Variants in ADGRL3 observed in about 807,000 individuals in gnomAD.
ADGRL3 encodes the protein calcium-independent alpha-latrotoxin receptor 3.
In ADGRL3, 62 loss-of-function variants were observed where a neutral mutation model predicts 153.5. The ratio of observed to expected loss-of-function variants is 0.40; its 90% confidence interval spans 0.33 to 0.50. ADGRL3 has a LOEUF of 0.50. Ranked by LOEUF, ADGRL3 falls within the 20% of genes least tolerant of loss-of-function variation. ADGRL3 has a pLI of 0.47. For missense variants in ADGRL3, 1,641 were observed against 1,859.4 expected (o/e 0.88, Z 2.16); for synonymous variants, 710 against 672.5 (o/e 1.06, Z -0.86).
rs2151288717 is a variant in ADGRL3 at position 61,349,356 on chromosome 4, A to C, written c.-239-33768A>C. ...AGTAATTTTTAAATGTTTTCATTCT[A>C]CTGAGAACCATTATGTGTTTTTTAC... On this transcript the variant is annotated intron_variant, in intron 1 of 26. Transcript: ENST00000683033. 1.3e-5 allele frequency among the ~76,000 whole-genome samples: 2 copies of C among 152,200 alleles called. 1 individual carries two copies. The highest frequency in any genetic ancestry group is 4.1e-4 in the South Asian group (2 of 4,832).
At chr4:61,263,699 T>C (rs2149648752) in intron 1 of ADGRL3, among the ~76,000 whole-genome samples, 1 of 152,150 alleles carries the variant, frequency 6.6e-6, no homozygotes, top group Non-Finnish European at 1.5e-5. Context: ...TTTCAAGTTC[T>C]GTCCATCAAA....
At chr4:61,856,596 CTCTCTCTCTTTTTTTTTTTTTTTT>C (rs2098268914) in intron 9 of ADGRL3, among the ~76,000 whole-genome samples, 1 of 57,040 alleles carries the variant, frequency 1.8e-5, no homozygotes, top group African/African-American at 5.0e-5. Context: ...TTCTCTCTCT[CTCTCTCTCTTTTTTTTTTTTTTTT>C]TTTTTTTTTT....
chr4:61,706,859 G>A (rs1023211657), intron 6 of ADGRL3, among the ~76,000 whole-genome samples: 2 of 152,014 alleles, frequency 1.3e-5, no homozygotes, highest in Non-Finnish European at 2.9e-5. Context: ...CTTTTCCTTT[G>A]CATTTACAAC....
chr4:61,252,656 C>G (rs1358120059), intron 1 of ADGRL3, among the ~76,000 whole-genome samples: 1 of 148,858 alleles, frequency 6.7e-6, no homozygotes, highest in Non-Finnish European at 1.5e-5. Flanking sequence ...TATTTTAGAT[C>G]GTTTCTGATT....
At chr4:61,534,493 T>C (rs2098643079) in intron 4 of ADGRL3, among the ~76,000 whole-genome samples, 1 of 152,148 alleles carries the variant, frequency 6.6e-6, no homozygotes, top group Admixed American at 6.5e-5. Context: ...AATAATTTGA[T>C]AGGAAATGCA....
At chr4:61,456,508 T>TATAGATATATCTATATCTATATAG (rs2097757998) in intron 2 of ADGRL3, among the ~76,000 whole-genome samples, 4 of 141,460 alleles carry the variant, frequency 2.8e-5, no homozygotes, top group African/African-American at 7.8e-5. Context: ...TATCTATATA[T>TATAGATATATCTATATCTATATAG]ATATAACTAT....
intron 9 of ADGRL3, among the ~76,000 whole-genome samples, chr4:61,868,076 A>G (rs1320369279): frequency 6.6e-6 from 1 of 152,162 alleles, no homozygotes; most frequent in Non-Finnish European, 1.5e-5. Flanking sequence ...TGCACAAAAA[A>G]TTTAAATTGA....
chr4:62,034,170 G>A (rs950603207), intron 23 of ADGRL3, among the ~76,000 whole-genome samples: 4 of 151,546 alleles, frequency 2.6e-5, no homozygotes, highest in South Asian at 2.1e-4. Context: ...ACAGAGTTCC[G>A]GAAACTGTGG....
intron 1 of ADGRL3, among the ~76,000 whole-genome samples, chr4:61,312,972 G>C (rs2095067325): frequency 6.6e-6 from 1 of 152,084 alleles, no homozygotes; most frequent in South Asian, 2.1e-4. Context: ...AGGCAACCAA[G>C]ATATCTTTCA....
intron 6 of ADGRL3, among the ~76,000 whole-genome samples, chr4:61,688,051 A>G (rs1580286095): frequency 6.6e-6 from 1 of 152,070 alleles, no homozygotes; most frequent in East Asian, 1.9e-4. Flanking sequence ...GAATAAGTAT[A>G]ACAAGATAGG....
At chr4:61,781,095 G>A (rs2097207661) in intron 8 of ADGRL3, among the ~76,000 whole-genome samples, 2 of 152,154 alleles carry the variant, frequency 1.3e-5, no homozygotes, top group Non-Finnish European at 2.9e-5. Flanking sequence ...GGGAGGCTGA[G>A]GAGGGTGGAT....
At chr4:61,796,730 T>C (rs1324626860) in intron 8 of ADGRL3, among the ~76,000 whole-genome samples, 1 of 152,230 alleles carries the variant, frequency 6.6e-6, no homozygotes, top group African/African-American at 2.4e-5. Context: ...GTTATAATTT[T>C]TATTAGTAAT....
chr4:61,683,706 C>T (rs991900567), intron 6 of ADGRL3, among the ~76,000 whole-genome samples: 1 of 152,172 alleles, frequency 6.6e-6, no homozygotes, highest in Non-Finnish European at 1.5e-5. Flanking sequence ...AGTTCTCAAT[C>T]CAGTCCAAGG....
chr4:61,803,143 G>C, intron 8 of ADGRL3, among the ~76,000 whole-genome samples: 1 of 148,754 alleles, frequency 6.7e-6, no homozygotes, highest in East Asian at 2.0e-4. Context: ...AATGGAAAAA[G>C]TTTTTTTTTT....
intron 8 of ADGRL3, among the ~76,000 whole-genome samples, chr4:61,738,056 G>A (rs537900281): frequency 1.3e-5 from 2 of 151,920 alleles, no homozygotes; most frequent in Non-Finnish European, 2.9e-5. Context: ...AACCAAATTT[G>A]TAGTCTTTTA....
chr4:61,980,251 C>T (rs1340908897), intron 18 of ADGRL3, among the ~76,000 whole-genome samples: 1 of 146,070 alleles, frequency 6.8e-6, no homozygotes, highest in African/African-American at 2.5e-5. Context: ...CCTTGAAAAT[C>T]ATCTGTGCTT....
At chr4:62,040,636 A>G (rs946702506) in intron 24 of ADGRL3, among the ~76,000 whole-genome samples, 1 of 152,102 alleles carries the variant, frequency 6.6e-6, no homozygotes, top group Admixed American at 6.6e-5. Flanking sequence ...AATGCCATCA[A>G]TCTTCTAATC....
chr4:61,661,133 C>A (rs1312498109), intron 5 of ADGRL3, among the ~76,000 whole-genome samples: 1 of 151,968 alleles, frequency 6.6e-6, no homozygotes, highest in Non-Finnish European at 1.5e-5. Context: ...TCTTGTTTCT[C>A]ACAATATTAA....
intron 6 of ADGRL3, among the ~76,000 whole-genome samples, chr4:61,713,616 A>G (rs2096047385): frequency 6.6e-6 from 1 of 151,976 alleles, no homozygotes; most frequent in Non-Finnish European, 1.5e-5. Flanking sequence ...TTTTTATTCA[A>G]GGATTTTCTA....
Sources: allele counts gnomAD v4.1 joint callset (sites outside exome capture counted in the v4.1 genomes callset), GRCh38; gene constraint gnomAD v4.1.1; transcripts MANE v1.5; gene names NCBI Gene and HGNC (gene_info 2026-07-23, HGNC 2026-07-21).